Variants in PLOD1 observed in about 807,000 individuals in gnomAD.
PLOD1 encodes procollagen-lysine,2-oxoglutarate 5-dioxygenase 1, also known as lysine hydroxylase.
Under a neutral mutation model 94.7 loss-of-function variants are expected in PLOD1, and 70 were observed. The ratio of observed to expected loss-of-function variants is 0.74; its 90% CI spans 0.61 to 0.90. PLOD1 has a LOEUF of 0.90. PLOD1 is among the 40% of genes least tolerant of loss of function. The probability of loss-of-function intolerance (pLI) is 0.00; values close to 1 mark genes in which losing one functional copy is unlikely to be tolerated. For synonymous variants in PLOD1, 417 were observed against 400.2 expected (o/e 1.04, Z -0.50); for missense variants, 905 against 972.7 (o/e 0.93, Z 0.93).
intron 1 of PLOD1, among the ~76,000 whole-genome samples, chr1:11,939,825 C>G (rs1645604041): frequency 6.6e-6 from 1 of 152,188 alleles, no homozygotes; most frequent in Non-Finnish European, 1.5e-5. Context: ...CCAGGCTGGT[C>G]TCGAGCTCCT....
chr1:11,965,503 C>T lies in PLOD1; in HGVS notation c.1494C>T (p.Asn498=), dbSNP rs1645810603. The change falls in exon 14 of 19, where the codon AAC becomes AAT. Residue 498 remains asparagine, a synonymous_variant. Coordinates refer to ENST00000196061, the MANE Select transcript of PLOD1 (RefSeq NM_000302.4). ...RQQDVFMFLT[N]RHTLGHLLSL... ...AGGATGTGTTCATGTTCCTGACCAA[C>T]CGGCACACCCTTGGCCATCTGCTCT... 1 of 1,613,204 alleles carries T rather than the reference C, an allele frequency of 6.2e-7. No homozygotes were observed. Among genetic ancestry groups the T allele is most frequent in the South Asian group, 1.1e-5 (1 of 91,078 alleles).
At position 11,957,037 on chromosome 1, in the gene PLOD1, G is replaced by T; in HGVS notation, c.741+23G>T. ...AAGGTAGGGGGTCCCCAGCCCCTGG[G>T]GAGTGTGGGAGGGGGCCAGAGCCCT... On this transcript the variant is annotated intron_variant, in intron 7 of 18. Transcript: ENST00000196061. The surrounding 1 kb of genome is among the most constrained non-coding windows in gnomAD (Gnocchi z 4.1). 6.9e-7 allele frequency: 1 copy of T among 1,446,560 alleles called. No individual in the cohort carries two copies. Among genetic ancestry groups the T allele is most frequent in the East Asian group, 2.3e-5 (1 of 44,122 alleles). 89.6% of individuals were successfully genotyped at this position (1,446,560 alleles called of 1,614,324 possible).
rs1645894502 is a variant in PLOD1, at chr1:11,975,031, C to T, written c.*223C>T. On this transcript the variant is annotated 3_prime_UTR_variant, in exon 19 of 19. Transcript: ENST00000196061. Reference sequence around the variant, plus strand: ...TCTCCGTGGTGTTCTGGACCCAGCCCCTGGAGACACCATTCACTTTTACTG... The same window carrying T: ...TCTCCGTGGTGTTCTGGACCCAGCCTCTGGAGACACCATTCACTTTTACTG... The T allele has an allele frequency of 1.6e-6, 1 of 607,778 alleles. No individual in the cohort carries two copies. Among genetic ancestry groups the T allele is most frequent in the Non-Finnish European group, 2.9e-6 (1 of 341,142 alleles). 37.6% of individuals were successfully genotyped at this position (607,778 alleles called of 1,614,324 possible).
Position 11,964,255 on chromosome 1 carries a change from A to C in PLOD1, c.1283A>C (p.Tyr428Ser). The C allele has an allele frequency of 6.9e-7, 1 of 1,455,082 alleles. No individual in the cohort carries two copies. Among genetic ancestry groups the C allele is most frequent in the Non-Finnish European group, 9.2e-7 (1 of 1,083,304 alleles). 90.1% of individuals were successfully genotyped at this position (1,455,082 alleles called of 1,614,324 possible). Residue 428 changes from tyrosine (Y) to serine (S), a missense_variant, in exon 12 of 19, where the codon TAT (tyrosine) becomes TCT (serine). Transcript: ENST00000196061. ...FWGALSADGY[Y>S]ARSEDYVDIV... Reference sequence around the variant, plus strand: ...GGGGCTCTCAGTGCAGATGGCTACTATGCCCGTTCCGAGGACTACGTGGAC... The same window carrying C: ...GGGGCTCTCAGTGCAGATGGCTACTCTGCCCGTTCCGAGGACTACGTGGAC...
chr1:11,936,940 C>T (rs893536116), intron 1 of PLOD1, among the ~76,000 whole-genome samples: 1 of 151,880 alleles, frequency 6.6e-6, no homozygotes, highest in African/African-American at 2.4e-5. Flanking sequence ...CTCCGCCTCC[C>T]AGGTTCAAGC....
At chr1:11,936,765 C>T (rs1388487504) in intron 1 of PLOD1, among the ~76,000 whole-genome samples, 2 of 152,024 alleles carry the variant, frequency 1.3e-5, no homozygotes, top group African/African-American at 4.8e-5. Flanking sequence ...TCAAGTGATC[C>T]TCCTGCCTCG....
At chr1:11,970,518 C>G (rs1234624315) in intron 16 of PLOD1, 152 bp from the exon 17 acceptor site, 1 of 762,062 alleles carries the variant, frequency 1.3e-6, no homozygotes, top group Non-Finnish European at 2.3e-6. Flanking sequence ...CCAAAGTCAA[C>G]TGATTAGGAG....
chr1:11,968,518 C>CTT (rs1359987084), intron 16 of PLOD1, among the ~76,000 whole-genome samples: 5 of 141,738 alleles, frequency 3.5e-5, no homozygotes, highest in South Asian at 2.2e-4. Context: ...TTTCTTTTTT[C>CTT]TTTTTTTTTT....
chr1:11,937,992 G>A lies in PLOD1; in HGVS notation c.76+3137G>A, dbSNP rs146873242. ...CTTTGAGACAGAGTCTCGCTTTGTC[G>A]CCCAGGCTGGAGTGCAGTGGCACGA... On this transcript the variant is annotated intron_variant, in intron 1 of 18. Coordinates refer to ENST00000196061, the MANE Select transcript of PLOD1 (RefSeq NM_000302.4). 2.6e-3 allele frequency among the ~76,000 whole-genome samples: 368 copies of A among 139,186 alleles called. 3 individuals are homozygous for A. The highest frequency in any genetic ancestry group is 9.6e-3 in the African/African-American group (351 of 36,656). 91.3% of individuals were successfully genotyped at this position (139,186 alleles called of 152,430 possible). A position where few individuals can be genotyped will look rare whatever the true frequency, so the allele number is the denominator to read the frequency against.
rs369696269 is a variant in PLOD1, at chr1:11,967,014, A to G, written c.1678A>G (p.Ile560Val). 2.0e-5 allele frequency: 32 copies of G among 1,613,708 alleles called. No homozygotes were observed. Among genetic ancestry groups the G allele is most frequent in the Middle Eastern group, 3.3e-4 (2 of 6,062 alleles). The change falls in exon 16 of 19, where the codon ATC becomes GTC. Residue 560 changes from isoleucine to valine, a missense_variant. Coordinates refer to ENST00000196061, the MANE Select transcript of PLOD1 (RefSeq NM_000302.4). ...TPCPDVYWFP[I>V]FTEVACDELV... ...CTGCCCGGATGTCTATTGGTTCCCC[A>G]TCTTCACGGAGGTGGCCTGTGATGA...
At chr1:11,935,165 A>G (rs1645569635) in intron 1 of PLOD1, among the ~76,000 whole-genome samples, 2 of 152,210 alleles carry the variant, frequency 1.3e-5, no homozygotes, top group Admixed American at 6.5e-5. Context: ...GCCAGGCATC[A>G]GTTAGGCATG....
At chr1:11,962,311 C>G (rs1210447053) in intron 10 of PLOD1, among the ~76,000 whole-genome samples, 7 of 123,306 alleles carry the variant, frequency 5.7e-5, no homozygotes, top group African/African-American at 2.2e-4. Context: ...GAGTCTCGCT[C>G]TGTCACCCAG....
intron 1 of PLOD1, chr1:11,944,436 C>CACAA (rs1553133075): frequency 7.4e-6 from 6 of 808,744 alleles, no homozygotes; most frequent in Middle Eastern, 3.4e-4. Context: ...CACACACACA[C>CACAA]ACACACACAC....
At position 11,951,774 on chromosome 1, in the gene PLOD1, C is replaced by A. The variant is rs185430181; in HGVS notation, c.467-849C>A. On this transcript the variant is annotated intron_variant, in intron 4 of 18. Coordinates refer to ENST00000196061, the MANE Select transcript of PLOD1 (RefSeq NM_000302.4). The stretch of plus-strand genomic sequence containing the variant: ...CTCCACTAAAAATACAAAAAATTAG[C>A]CAGGTGTGGTGGCAGGCGCCTGTAG... 3.3e-3 allele frequency among the ~76,000 whole-genome samples: 493 copies of A among 151,420 alleles called. 2 individuals are homozygous for A. The highest frequency in any genetic ancestry group is 0.011 in the African/African-American group (471 of 41,284).
chr1:11,938,951 C>T (rs1645597792), intron 1 of PLOD1, among the ~76,000 whole-genome samples: 1 of 152,160 alleles, frequency 6.6e-6, no homozygotes, highest in East Asian at 1.9e-4. Context: ...TATCTTCCAT[C>T]ACAGGGAACT....
At chr1:11,969,020 A>ATTT (rs936449431) in intron 16 of PLOD1, among the ~76,000 whole-genome samples, 11 of 118,810 alleles carry the variant, frequency 9.3e-5, no homozygotes, top group African/African-American at 2.4e-4. Context: ...ACCATGCCTA[A>ATTT]TTTTTTTTTT....
chr1:11,954,982 G>T, intron 6 of PLOD1, 89 bp downstream of exon 6: 1 of 1,045,214 alleles, frequency 9.6e-7, no homozygotes, highest in South Asian at 1.3e-5. Context: ...GGAGAAATGG[G>T]CTGCTTCTTT....
Position 11,972,967 on chromosome 1 carries a change from C to T in PLOD1, c.1998C>T (p.Ile666=), listed in dbSNP as rs748080300. ...ATGCCTCCACCTTCACCATCAACAT[C>T]GCCCTGAACCGAGTCGGGGTGGATT... ...HHDASTFTIN[I]ALNRVGVDYE... Residue 666 remains isoleucine (I), a synonymous_variant, in exon 18 of 19, where the codon ATC becomes ATT. Coordinates refer to ENST00000196061, the MANE Select transcript of PLOD1 (RefSeq NM_000302.4). The surrounding 1 kb of genome is among the most constrained non-coding windows in gnomAD (Gnocchi z 4.6). 10 of 1,613,968 alleles carry T rather than the reference C, an allele frequency of 6.2e-6. No individual in the cohort carries two copies. The highest frequency in any genetic ancestry group is 1.6e-4 in the Middle Eastern group (1 of 6,080).
rs1273880598 is a variant in PLOD1 at position 11,964,232 on chromosome 1, G to A, written c.1260G>A (p.Gly420=). 2 of 1,613,718 alleles carry A rather than the reference G, an allele frequency of 1.2e-6. No individual in the cohort carries two copies. Among genetic ancestry groups the A allele is most frequent in the South Asian group, 1.1e-5 (1 of 91,070 alleles). Residue 420 remains glycine (G), a synonymous_variant, in exon 12 of 19, where the codon GGG becomes GGA. Coordinates refer to ENST00000196061, the MANE Select transcript of PLOD1 (RefSeq NM_000302.4). ...GGAGGCTGTGGTCGAACTTCTGGGG[G>A]GCTCTCAGTGCAGATGGCTACTATG... is the stretch of plus-strand genomic sequence containing the variant. The part of the protein sequence containing the change: ...RHGRLWSNFW[G]ALSADGYYAR...
Sources: allele counts gnomAD v4.1 joint callset (sites outside exome capture counted in the v4.1 genomes callset), GRCh38; gene constraint gnomAD v4.1.1; non-coding constraint Gnocchi (gnomAD v3.1); transcripts MANE v1.5; gene names NCBI Gene and HGNC (gene_info 2026-07-23, HGNC 2026-07-21).